The following DCAF6 variants were observed in gnomAD, a reference collection of about 807,000 sequenced individuals.
DCAF6 encodes the protein DDB1 and CUL4 associated factor 6, also known as DDB1- and CUL4-associated factor 6.
DCAF6 carries 54 observed loss-of-function variants against 125.1 expected under a neutral mutation model. That is an observed-to-expected ratio of 0.43 (90% CI 0.35 to 0.54). The LOEUF (loss-of-function observed/expected upper bound fraction) is 0.54, where lower values mean the gene tolerates loss of function less well. Among genes scored for constraint, DCAF6 ranks in the 20% least tolerant of loss-of-function variants. The pLI, the probability that DCAF6 is intolerant of heterozygous loss-of-function variation, is 0.01. For synonymous variants in DCAF6, 371 were observed against 390.4 expected (o/e 0.95, Z 0.58); for missense variants, 934 against 1,161.7 (o/e 0.80, Z 2.85).
chr1:168,062,715 A>G (rs544621295), intron 17 of DCAF6, among the ~76,000 whole-genome samples: 109 of 152,130 alleles, frequency 7.2e-4, no homozygotes, highest in Middle Eastern at 3.4e-3. Flanking sequence ...ATTATTAAGT[A>G]ATATGTGTTA....
At chr1:167,864,439 T>C in the DCAF6 span, among the ~76,000 whole-genome samples, 3 of 152,200 alleles carry the variant, frequency 2.0e-5, no homozygotes, top group African/African-American at 7.2e-5. Flanking sequence ...TTGTTTCAAA[T>C]GTATGGCACA....
At chr1:167,916,582 GTTGT>G in the DCAF6 span, 12,560 of 152,174 alleles carry the variant, frequency 0.083, 735 homozygotes, top group Non-Finnish European at 0.12. Context: ...GCATGTGATG[GTTGT>G]TTGTCAATGA....
At chr1:167,884,595 C>A in the DCAF6 span, among the ~76,000 whole-genome samples, 1 of 151,878 alleles carries the variant, frequency 6.6e-6, no homozygotes, top group Non-Finnish European at 1.5e-5. Context: ...TTTTTTTGTA[C>A]TCATTGACCA....
chr1:167,887,615 A>G, the DCAF6 span, among the ~76,000 whole-genome samples: 2 of 152,182 alleles, frequency 1.3e-5, no homozygotes, highest in Admixed American at 1.3e-4. Context: ...TAATGGGTGC[A>G]GCATACCAAC....
chr1:167,927,276 A>G, the DCAF6 span, among the ~76,000 whole-genome samples: 56 of 152,316 alleles, frequency 3.7e-4, no homozygotes, highest in East Asian at 0.011. Context: ...CTTAGACCAC[A>G]GCTCTCTTCC....
In DCAF6 at chr1:167,936,801, C is replaced by A; in HGVS notation, c.-111C>A. The A allele has an allele frequency of 1.0e-6, 1 of 981,098 alleles. No homozygotes were observed. The highest frequency in any genetic ancestry group is 1.5e-5 in the South Asian group (1 of 65,396). 60.8% of individuals were successfully genotyped at this position (981,098 alleles called of 1,614,324 possible). On this transcript the variant is annotated 5_prime_UTR_variant, in exon 1 of 22. Transcript: ENST00000367840. ...GCCATCTAACGCTGCGCCCTGGAGG[C>A]CCGGCGCGCGGATGGTGCCGGTGCG...
chr1:168,055,604 A>G (rs1242850031), intron 17 of DCAF6, among the ~76,000 whole-genome samples: 4 of 92,212 alleles, frequency 4.3e-5, no homozygotes, highest in African/African-American at 6.3e-5. Context: ...TAACAATGTT[A>G]TCTTTGAATT....
intron 12 of DCAF6, among the ~76,000 whole-genome samples, chr1:168,029,144 A>T (rs533035406): frequency 6.6e-6 from 1 of 151,944 alleles, no homozygotes; most frequent in Non-Finnish European, 1.5e-5. Flanking sequence ...CGTGTGTTCT[A>T]CTCTTCTGCT....
intron 14 of DCAF6, 30 bp downstream of exon 14, chr1:168,043,170 A>C (rs1315498348): frequency 5.3e-6 from 8 of 1,516,770 alleles, no homozygotes; most frequent in Non-Finnish European, 7.3e-6. Flanking sequence ...TTGTTGTTAT[A>C]AAATTGCAGC....
upstream of DCAF6, chr1:167,936,025 G>T: frequency 1.6e-6 from 1 of 607,608 alleles, no homozygotes. Context: ...CGCGCCCCGC[G>T]AAGGTTGAGG....
intron 10 of DCAF6, among the ~76,000 whole-genome samples, chr1:168,013,579 C>T (rs1314990220): frequency 6.6e-6 from 1 of 152,090 alleles, no homozygotes; most frequent in Non-Finnish European, 1.5e-5. Context: ...CCAATTCCTC[C>T]TCTGATACAC....
intron 1 of DCAF6, among the ~76,000 whole-genome samples, chr1:167,948,037 C>T (rs1673335248): frequency 6.6e-6 from 1 of 150,976 alleles, no homozygotes; most frequent in South Asian, 2.1e-4. Context: ...TTTTATGACT[C>T]TTAGTACTCC....
intron 10 of DCAF6, among the ~76,000 whole-genome samples, chr1:168,010,654 A>G (rs1684158252): frequency 6.6e-6 from 1 of 152,154 alleles, no homozygotes; most frequent in Non-Finnish European, 1.5e-5. Context: ...TGATTATAAA[A>G]TTATATGTTT....
chr1:167,917,917 C>G, the DCAF6 span: 1 of 155,820 alleles, frequency 6.4e-6, no homozygotes, highest in East Asian at 1.9e-4. Flanking sequence ...ACCCATTTCT[C>G]AGTCTCTTCA....
At chr1:167,968,350 C>G (rs1414432841) in intron 3 of DCAF6, 1 of 152,246 alleles carries the variant, frequency 6.6e-6, no homozygotes, top group Non-Finnish European at 1.5e-5. Flanking sequence ...AGAAGAGACC[C>G]CCCCGTGCTG....
chr1:168,054,546 T>C (rs1196197620), intron 17 of DCAF6, among the ~76,000 whole-genome samples: 2 of 152,204 alleles, frequency 1.3e-5, no homozygotes, highest in Non-Finnish European at 2.9e-5. Context: ...CCATAGCACA[T>C]AGCTTTTACT....
chr1:167,996,942 A>G (rs1681805215), intron 7 of DCAF6, among the ~76,000 whole-genome samples: 1 of 151,392 alleles, frequency 6.6e-6, no homozygotes. Flanking sequence ...CCCCTTTTCT[A>G]CTTTATTTCT....
intron 1 of DCAF6, among the ~76,000 whole-genome samples, chr1:167,942,494 T>C (rs1672405555): frequency 6.6e-6 from 1 of 152,274 alleles, no homozygotes; most frequent in Non-Finnish European, 1.5e-5. Context: ...TAATTCTTTA[T>C]ATAACAGTCC....
the DCAF6 span, chr1:167,899,746 A>C: frequency 3.5e-5 from 32 of 904,406 alleles, no homozygotes; most frequent in Non-Finnish European, 5.4e-5. Context: ...GCAAAATCTC[A>C]CTTCTAAAAC....
Sources: allele counts gnomAD v4.1 joint callset (sites outside exome capture counted in the v4.1 genomes callset), GRCh38; gene constraint gnomAD v4.1.1; transcripts MANE v1.5; gene names NCBI Gene and HGNC (gene_info 2026-07-23, HGNC 2026-07-21).